The following ALLC variants were observed in gnomAD, a reference collection of about 807,000 sequenced individuals.
The protein encoded by ALLC is probable inactive allantoicase.
Under a neutral mutation model 45.0 loss-of-function variants are expected in ALLC, and 40 were observed. The observed-to-expected ratio is 0.89, with a 90% CI of 0.69 to 1.16. The LOEUF (loss-of-function observed/expected upper bound fraction) is 1.16. ALLC is among the 50% of genes most tolerant of loss of function. The pLI is 0.00. For synonymous variants in ALLC, 176 were observed against 178.1 expected, an observed-to-expected ratio of 0.99 and a Z score of 0.09; for missense variants, 488 against 493.1, an observed-to-expected ratio of 0.99 and a Z score of 0.10.
intron 1 of ALLC, among the ~76,000 whole-genome samples, chr2:3,665,180 A>G (rs1666673629): frequency 6.6e-6 from 1 of 152,196 alleles, no homozygotes; most frequent in Non-Finnish European, 1.5e-5. Context: ...CATCAGCTGT[A>G]GATGGCATCG....
At chr2:3,669,255 C>T (rs948835305) in intron 1 of ALLC, among the ~76,000 whole-genome samples, 2 of 152,012 alleles carry the variant, frequency 1.3e-5, no homozygotes, top group African/African-American at 2.4e-5. Flanking sequence ...GGGTGGATCA[C>T]GAAGTCAGGA....
intron 2 of ALLC, 38 bp downstream of exon 2, chr2:3,671,228 C>T: frequency 6.3e-7 from 1 of 1,598,076 alleles, no homozygotes; most frequent in Non-Finnish European, 8.5e-7. Flanking sequence ...GGGTTGAAGG[C>T]ATCCGTGCTA....
At chr2:3,664,627 T>C (rs1371539652) in intron 1 of ALLC, among the ~76,000 whole-genome samples, 2 of 152,140 alleles carry the variant, frequency 1.3e-5, no homozygotes, top group African/African-American at 4.8e-5. Flanking sequence ...CTCATGCCTG[T>C]AATCCCAGCA....
chr2:3,678,609 C>T (rs895590915), intron 4 of ALLC, 54 bp downstream of exon 4: 28 of 1,484,146 alleles, frequency 1.9e-5, no homozygotes, highest in South Asian at 4.6e-5. Flanking sequence ...AAGTTAAAAA[C>T]GCAGGCTGTG....
the ALLC span, among the ~76,000 whole-genome samples, chr2:3,651,435 GTGTGTGTTAGGA>G: frequency 4.9e-5 from 3 of 61,304 alleles, no homozygotes; most frequent in Non-Finnish European, 1.1e-4. Context: ...GTGTGTGTGT[GTGTGTGTTAGGA>G]AGGGAGACGA....
At chr2:3,686,380 A>T (rs1667335145) in intron 7 of ALLC, among the ~76,000 whole-genome samples, 1 of 150,784 alleles carries the variant, frequency 6.6e-6, no homozygotes. Context: ...GTACATTTTG[A>T]AGTCAGGTAG....
intron 1 of ALLC, among the ~76,000 whole-genome samples, chr2:3,667,495 C>A (rs751746000): frequency 5.9e-5 from 9 of 152,194 alleles, no homozygotes; most frequent in Non-Finnish European, 1.0e-4. Context: ...GGATACATCG[C>A]GGTTGGCCAT....
chr2:3,677,437 T>A (rs1350080768), intron 3 of ALLC, among the ~76,000 whole-genome samples: 5 of 152,210 alleles, frequency 3.3e-5, no homozygotes. Context: ...GTGATTTGAT[T>A]GTAATAACAT....
rs1667155871 is a variant in ALLC, at chr2:3,680,750, A to G, written c.298+756A>G. 2.0e-5 allele frequency among the ~76,000 whole-genome samples: 3 copies of G among 152,310 alleles called. No homozygotes were observed. In the South Asian group the frequency reaches 6.2e-4, roughly 32 times the overall value. On this transcript the variant is annotated intron_variant, in intron 5 of 11. Transcript: ENST00000252505. This position sits in a 1 kb window ranked among gnomAD's most constrained non-coding sequence, Gnocchi z 4.0. ...AGCGGGACAACTGAAGGCAGCCTCC[A>G]GAACAGGGAAGAGGGCGGTGTGCGT...
At chr2:3,683,478 G>A (rs996039127) in intron 7 of ALLC, among the ~76,000 whole-genome samples, 2 of 152,170 alleles carry the variant, frequency 1.3e-5, no homozygotes, top group Non-Finnish European at 2.9e-5. Flanking sequence ...GCATAGACAC[G>A]TGCAACCATC....
intron 7 of ALLC, among the ~76,000 whole-genome samples, chr2:3,684,540 C>T (rs1199885667): frequency 6.6e-6 from 1 of 152,082 alleles, no homozygotes; most frequent in Non-Finnish European, 1.5e-5. Context: ...TACACTGTAT[C>T]CAATGTGTAG....
At chr2:3,660,119 C>T (rs926024144) in intron 1 of ALLC, among the ~76,000 whole-genome samples, 1 of 152,150 alleles carries the variant, frequency 6.6e-6, no homozygotes, top group African/African-American at 2.4e-5. Context: ...GGGGGCGGAT[C>T]CCTCATGAAT....
At chr2:3,670,578 C>T (rs1339781692) in intron 1 of ALLC, among the ~76,000 whole-genome samples, 1 of 152,230 alleles carries the variant, frequency 6.6e-6, no homozygotes, top group African/African-American at 2.4e-5. Context: ...CTCTGTGGCT[C>T]AGTCTCTGCT....
chr2:3,698,082 T>C (rs1468541310), intron 10 of ALLC, among the ~76,000 whole-genome samples: 1 of 152,000 alleles, frequency 6.6e-6, no homozygotes, highest in Non-Finnish European at 1.5e-5. Context: ...TTCCTGCCTC[T>C]GCCTCCTGAG....
upstream of ALLC, among the ~76,000 whole-genome samples, chr2:3,656,252 C>T (rs1056976040): frequency 6.6e-6 from 1 of 152,224 alleles, no homozygotes; most frequent in African/African-American, 2.4e-5. Flanking sequence ...CATGAGAATC[C>T]TCATGTCTTG....
At chr2:3,695,957 A>G in intron 8 of ALLC, 85 bp downstream of exon 8, 1 of 1,373,578 alleles carries the variant, frequency 7.3e-7, no homozygotes, top group South Asian at 1.5e-5. Context: ...GTGATTTAAA[A>G]GGAAAGGCAC....
intron 7 of ALLC, among the ~76,000 whole-genome samples, chr2:3,690,209 GCTTA>G (rs1667438980): frequency 7.5e-6 from 1 of 133,028 alleles, no homozygotes; most frequent in South Asian, 2.5e-4. Flanking sequence ...ATCAGTAAGA[GCTTA>G]CTGTCATTTT....
At chr2:3,690,908 A>G (rs992045495) in intron 7 of ALLC, among the ~76,000 whole-genome samples, 44 of 151,436 alleles carry the variant, frequency 2.9e-4, no homozygotes, top group Middle Eastern at 6.9e-3. Flanking sequence ...ACTTAATTTT[A>G]CTAGTGGGTT....
chr2:3,692,172 C>A (rs1013272083), intron 7 of ALLC, among the ~76,000 whole-genome samples: 1 of 152,196 alleles, frequency 6.6e-6, no homozygotes, highest in Non-Finnish European at 1.5e-5. Context: ...TATGGGTATA[C>A]ATCTATGCCT....
Sources: gnomAD v4.1 joint callset for allele counts (sites outside exome capture counted in the v4.1 genomes callset) on GRCh38, gnomAD v4.1.1 for gene constraint, Gnocchi (gnomAD v3.1) non-coding constraint, MANE v1.5 for transcripts, NCBI Gene and HGNC (gene_info 2026-07-23, HGNC 2026-07-21) for gene names.